The following SFXN1 variants were observed in gnomAD, a reference collection of about 807,000 sequenced individuals.
SFXN1 encodes the protein sideroflexin-1.
SFXN1 carries 32 observed loss-of-function variants against 39.5 expected under a neutral mutation model. The observed-to-expected ratio is 0.81, with a 90% CI of 0.61 to 1.09. SFXN1 has a LOEUF of 1.09. Among genes scored for constraint, SFXN1 ranks in the 50% least tolerant of loss-of-function variants. The pLI is 0.00. For synonymous variants in SFXN1, 136 were observed against 146.5 expected, an observed-to-expected ratio of 0.93 and a Z score of 0.52; for missense variants, 402 against 407.1, an observed-to-expected ratio of 0.99 and a Z score of 0.11.
chr5:175,511,089 C>G (rs1311443736), intron 4 of SFXN1, among the ~76,000 whole-genome samples: 1 of 152,162 alleles, frequency 6.6e-6, no homozygotes, highest in Non-Finnish European at 1.5e-5. Context: ...AAATATGCCC[C>G]AAACATTTAG....
chr5:175,514,730 A>G (rs1760656298), intron 7 of SFXN1, among the ~76,000 whole-genome samples: 1 of 152,240 alleles, frequency 6.6e-6, no homozygotes, highest in African/African-American at 2.4e-5. Flanking sequence ...ACTTTGAGGA[A>G]TATGATATTC....
chr5:175,492,086 T>C lies in SFXN1; in HGVS notation c.-9-9T>C, dbSNP rs370047529. On this transcript the variant is annotated splice_polypyrimidine_tract_variant and intron_variant, in intron 1 of 10. Coordinates refer to ENST00000321442, the MANE Select transcript of SFXN1 (RefSeq NM_022754.7). ...CCTTACACGAACTTGCCTTTTTGAC[T>C]CTTTGCAGTCCGGGACCATGTCTGG... 6 of 1,596,550 alleles carry C rather than the reference T, an allele frequency of 3.8e-6. No individual in the cohort carries two copies. The highest frequency in any genetic ancestry group is 3.3e-4 in the Middle Eastern group (2 of 6,010).
At chr5:175,497,472 A>G (rs1759897444) in intron 2 of SFXN1, among the ~76,000 whole-genome samples, 1 of 152,256 alleles carries the variant, frequency 6.6e-6, no homozygotes, top group Non-Finnish European at 1.5e-5. Context: ...AGGTAATTGC[A>G]AATAAAAAGT....
intron 2 of SFXN1, among the ~76,000 whole-genome samples, chr5:175,499,926 T>C (rs898175950): frequency 6.6e-6 from 1 of 152,236 alleles, no homozygotes; most frequent in Non-Finnish European, 1.5e-5. Context: ...CAGTGGCTCA[T>C]GCCTGTAATC....
chr5:175,502,605 G>A lies in SFXN1; in HGVS notation c.165-6427G>A, dbSNP rs548347952. 3.9e-5 allele frequency among the ~76,000 whole-genome samples: 6 copies of A among 152,096 alleles called. No homozygotes were observed. In the South Asian group the frequency reaches 8.3e-4, roughly 21 times the overall value. Reference sequence around the variant, plus strand: ...CTGTAATCCCAGCACTTGGGGAGGCGGAGGCGGGAGGATTGCCTGAGCTCA... The same window carrying A: ...CTGTAATCCCAGCACTTGGGGAGGCAGAGGCGGGAGGATTGCCTGAGCTCA... On this transcript the variant is annotated intron_variant, in intron 2 of 10. Transcript: ENST00000321442.
intron 8 of SFXN1, among the ~76,000 whole-genome samples, chr5:175,517,500 G>T (rs1166330314): frequency 3.3e-5 from 5 of 152,078 alleles, no homozygotes; most frequent in Admixed American, 2.0e-4. Flanking sequence ...CTACAAGGGA[G>T]CCTGGTTGTA....
chr5:175,503,132 G>A (rs1174723794), intron 2 of SFXN1, among the ~76,000 whole-genome samples: 1 of 152,142 alleles, frequency 6.6e-6, no homozygotes, highest in African/African-American at 2.4e-5. Context: ...GAAATATCCT[G>A]TACCACAATT....
At chr5:175,483,665 T>C (rs949095548) in intron 1 of SFXN1, 7 of 152,258 alleles carry the variant, frequency 4.6e-5, no homozygotes, top group Non-Finnish European at 1.0e-4. Context: ...ATTTTGCTGC[T>C]GCCTTTCTGC....
chr5:175,515,880 GC>G (rs1329064370), intron 7 of SFXN1, among the ~76,000 whole-genome samples: 1 of 152,158 alleles, frequency 6.6e-6, no homozygotes, highest in East Asian at 1.9e-4. Context: ...ATCAGTGGGA[GC>G]CCTGAGCTTG....
intron 2 of SFXN1, chr5:175,492,580 C>T (rs970131474): frequency 8.8e-5 from 19 of 216,336 alleles, no homozygotes; most frequent in African/African-American, 3.9e-4. Flanking sequence ...CTACGACATC[C>T]ACAACCCCTC....
At position 175,513,414 on chromosome 5, in the gene SFXN1, G is replaced by A. The variant is rs776746253; in HGVS notation, c.597-49G>A. The A allele has an allele frequency of 2.5e-5, 40 of 1,574,122 alleles. No homozygotes were observed. In the East Asian group the frequency reaches 4.7e-4, roughly 18 times the overall value. ...TCCCAACATAGTACTATTTCAGGAC[G>A]TTTATTGAAGGCATTGGTGGAGCTC... On this transcript the variant is annotated intron_variant, in intron 6 of 10. Coordinates refer to ENST00000321442, the MANE Select transcript of SFXN1 (RefSeq NM_022754.7).
At chr5:175,516,722 AC>A (rs896723084) in intron 8 of SFXN1, 59 bp downstream of exon 8, 1 of 1,561,744 alleles carries the variant, frequency 6.4e-7, no homozygotes. Flanking sequence ...CAGATTTCAA[AC>A]CGTATAGATT....
intron 1 of SFXN1, among the ~76,000 whole-genome samples, chr5:175,491,266 A>G (rs1561655416): frequency 6.6e-6 from 1 of 152,058 alleles, no homozygotes; most frequent in Non-Finnish European, 1.5e-5. Flanking sequence ...TTAATTTTTA[A>G]TTTTTGATTG....
rs552693069 is a variant in SFXN1 at position 175,520,518 on chromosome 5, G to A, written c.775-1401G>A. 1.2e-4 allele frequency among the ~76,000 whole-genome samples: 18 copies of A among 152,182 alleles called. No homozygotes were observed. The South Asian group carries it at 3.5e-3, about 30-fold the overall frequency. ...TGCAGGATACTGAAATTGTCTAGGG[G>A]CCTTGGCTGTGCAAAGAGCCTTTCC... On this transcript the variant is annotated intron_variant, in intron 8 of 10. Coordinates refer to ENST00000321442, the MANE Select transcript of SFXN1 (RefSeq NM_022754.7).
At chr5:175,503,345 A>G (rs901599504) in intron 2 of SFXN1, among the ~76,000 whole-genome samples, 35 of 152,340 alleles carry the variant, frequency 2.3e-4, no homozygotes, top group Middle Eastern at 3.4e-3. Context: ...TACAAAAAGA[A>G]ACAGTGGCCT....
chr5:175,508,234 T>TC, intron 2 of SFXN1, among the ~76,000 whole-genome samples: 1 of 140,000 alleles, frequency 7.1e-6, no homozygotes, highest in African/African-American at 2.7e-5. Flanking sequence ...TTTTTTTTTT[T>TC]TTTTTTTTTT....
chr5:175,492,208 G>C lies in SFXN1; in HGVS notation c.105G>C (p.Arg35Ser), dbSNP rs1232827498. The stretch of plus-strand genomic sequence containing the variant: ...ATTTCTTCACTGTAACTGACCCCAG[G>C]AACATTCTGTTAACCAACGAACAAC... ...ANHFFTVTDPRNILLTNEQLE... is the reference protein window; with the variant it reads ...ANHFFTVTDPSNILLTNEQLE... Residue 35 changes from arginine to serine, a missense_variant, in exon 2 of 11, where the codon AGG (arginine) becomes AGC (serine). Arg to Ser is a moderately radical substitution (Grantham distance 110). Coordinates refer to ENST00000321442, the MANE Select transcript of SFXN1 (RefSeq NM_022754.7). 2 of 1,613,852 alleles carry C rather than the reference G, an allele frequency of 1.2e-6. No individual in the cohort carries two copies. The highest frequency in any genetic ancestry group is 4.5e-5 in the East Asian group (2 of 44,880).
intron 10 of SFXN1, 31 bp downstream of exon 10, chr5:175,522,453 T>G: frequency 6.2e-7 from 1 of 1,606,180 alleles, no homozygotes; most frequent in Non-Finnish European, 8.5e-7. Context: ...AGAATCATCA[T>G]GAGTATTAAT....
chr5:175,494,775 T>C (rs1393418011), intron 2 of SFXN1, among the ~76,000 whole-genome samples: 5 of 148,680 alleles, frequency 3.4e-5, no homozygotes, highest in African/African-American at 9.9e-5. Flanking sequence ...AGAAAAAATA[T>C]GTAAAATATG....
Sources: gnomAD v4.1 joint callset for allele counts (sites outside exome capture counted in the v4.1 genomes callset) on GRCh38, gnomAD v4.1.1 for gene constraint, MANE v1.5 for transcripts, NCBI Gene and HGNC (gene_info 2026-07-23, HGNC 2026-07-21) for gene names.